The following DIABLO variants were observed in gnomAD, a reference collection of about 807,000 sequenced individuals.
The protein encoded by DIABLO is diablo homolog, mitochondrial.
DIABLO carries 32 observed loss-of-function variants against 31.7 expected under a neutral mutation model. The ratio of observed to expected loss-of-function variants is 1.01; its 90% CI spans 0.76 to 1.35. The LOEUF is 1.35. Among genes scored for constraint, DIABLO ranks in the 40% most tolerant of loss-of-function variants. The pLI, the probability that DIABLO is intolerant of heterozygous loss-of-function variation, is 0.00. For missense variants in DIABLO, 316 were observed against 286.4 expected (o/e 1.10, Z -0.75); for synonymous variants, 132 against 103.2 (o/e 1.28, Z -1.69).
In DIABLO at chr12:122,209,775, C is replaced by T. The variant is rs1388352743; in HGVS notation, c.524-1198G>A. 10 of 703,336 alleles carry T rather than the reference C, an allele frequency of 1.4e-5. 1 individual carries two copies. Among genetic ancestry groups the T allele is most frequent in the Non-Finnish European group, 2.6e-5 (10 of 385,106 alleles). 43.6% of individuals were successfully genotyped at this position (703,336 alleles called of 1,614,324 possible). The stretch of plus-strand genomic sequence containing the variant: ...TCTGTAGAACATTTTGATCTTACTG[C>T]ATTAACAAGAACCTTCAGGACAATG... On this transcript the variant is annotated intron_variant, in intron 5 of 5. Coordinates refer to ENST00000464942, the MANE Select transcript of DIABLO (RefSeq NM_001371333.1).
intron 5 of DIABLO, chr12:122,209,667 C>CA (rs147297982): frequency 0.077 from 36,403 of 474,832 alleles, no homozygotes; most frequent in East Asian, 0.094. Flanking sequence ...GTCTCCCCCC[C>CA]AAAAAAAAAA....
At chr12:122,226,501 G>A (rs1278599425), upstream of DIABLO, 4 of 698,958 alleles carry the variant, frequency 5.7e-6, no homozygotes, top group Admixed American at 4.0e-5. Flanking sequence ...GTGTAGCTGA[G>A]GAGCACGAAG....
chr12:122,218,280 T>C lies in DIABLO; in HGVS notation c.301A>G (p.Thr101Ala), dbSNP rs746807208. 6.8e-6 allele frequency: 11 copies of C among 1,614,000 alleles called. No homozygotes were observed. Among genetic ancestry groups the C allele is most frequent in the Non-Finnish European group, 5.9e-6 (7 of 1,180,010 alleles). Reference sequence around the variant, plus strand: ...AGGAGACATACCTTAGTATATTCAGTAATAGCTTCAATCAACGCATATGTG... The same window carrying C: ...AGGAGACATACCTTAGTATATTCAGCAATAGCTTCAATCAACGCATATGTG... ...QTTYALIEAI[T>A]EYTKAVYTLT... The change falls in exon 3 of 6, where the codon ACT becomes GCT. Residue 101 changes from threonine (T) to alanine (A), a missense_variant. Thr to Ala is a moderately conservative substitution (Grantham distance 58, BLOSUM62 0). Transcript: ENST00000464942.
chr12:122,215,612 T>G (rs115098629), intron 5 of DIABLO, among the ~76,000 whole-genome samples: 1,964 of 151,898 alleles, frequency 0.013, 50 homozygotes, highest in African/African-American at 0.045. Flanking sequence ...TAAAAAAAAT[T>G]TTTTTTTCTG....
chr12:122,209,883 G>T, intron 5 of DIABLO: 1 of 690,786 alleles, frequency 1.4e-6, no homozygotes, highest in Non-Finnish European at 2.6e-6. Flanking sequence ...AATTAAGTAG[G>T]ATTACTTAAC....
At chr12:122,222,618 C>T (rs1002906029) in intron 2 of DIABLO, 1 of 151,682 alleles carries the variant, frequency 6.6e-6, no homozygotes, top group Non-Finnish European at 1.5e-5. Flanking sequence ...CAGTGGTCCC[C>T]AACGTTTGTG....
chr12:122,226,436 C>A (rs1473439888), upstream of DIABLO: 3 of 691,912 alleles, frequency 4.3e-6, no homozygotes, highest in Admixed American at 4.0e-5. Context: ...GCTGTCACTT[C>A]AGCACCAGGA....
At chr12:122,211,545 A>T (rs1338137417) in intron 5 of DIABLO, among the ~76,000 whole-genome samples, 1 of 133,494 alleles carries the variant, frequency 7.5e-6, no homozygotes, top group African/African-American at 2.7e-5. Flanking sequence ...ACCAACTCTT[A>T]AAAAAAAAAA....
At chr12:122,217,964 T>C (rs774999009) in intron 3 of DIABLO, among the ~76,000 whole-genome samples, 5 of 143,700 alleles carry the variant, frequency 3.5e-5, no homozygotes, top group Non-Finnish European at 6.0e-5. Flanking sequence ...GGCTGCCACA[T>C]TTAAGATTTT....
chr12:122,219,997 G>A (rs983119075), intron 2 of DIABLO, among the ~76,000 whole-genome samples: 1 of 150,248 alleles, frequency 6.7e-6, no homozygotes, highest in Non-Finnish European at 1.5e-5. Flanking sequence ...AGGCTGGAGT[G>A]CAGTGGTTCA....
chr12:122,224,425 A>G (rs1025861139), intron 2 of DIABLO, 87 bp downstream of exon 2: 2 of 1,606,414 alleles, frequency 1.2e-6, no homozygotes, highest in African/African-American at 1.3e-5. Flanking sequence ...GGGAAAAACT[A>G]TGGTAGCTTG....
intron 5 of DIABLO, chr12:122,209,679 T>C: frequency 1.5e-6 from 1 of 667,768 alleles, no homozygotes; most frequent in East Asian, 2.8e-5. Flanking sequence ...AAAAAAAAAA[T>C]GAGCTCTCTC....
intron 5 of DIABLO, among the ~76,000 whole-genome samples, chr12:122,213,162 C>T (rs1300248967): frequency 6.6e-6 from 1 of 152,054 alleles, no homozygotes; most frequent in Non-Finnish European, 1.5e-5. Context: ...GATCCACCTG[C>T]TTAGGCATCC....
chr12:122,210,348 A>G (rs1338443757), intron 5 of DIABLO, among the ~76,000 whole-genome samples: 2 of 150,992 alleles, frequency 1.3e-5, no homozygotes, highest in South Asian at 2.1e-4. Context: ...GGGGACATCA[A>G]AATCTTCGAA....
At chr12:122,225,932 G>A (rs1301846670) in intron 1 of DIABLO, 33 bp downstream of exon 1, 1 of 1,572,216 alleles carries the variant, frequency 6.4e-7, no homozygotes, top group Non-Finnish European at 8.6e-7. Flanking sequence ...CCCTCCCTCT[G>A]GTCCTGTCCC....
rs1196593706 is a variant in DIABLO at position 122,207,988 on chromosome 12, A to G, written c.*393T>C. On this transcript the variant is annotated 3_prime_UTR_variant, in exon 6 of 6. Coordinates refer to ENST00000464942, the MANE Select transcript of DIABLO (RefSeq NM_001371333.1). ...CCACAACTGGCATCCCAACAGAGGG[A>G]ACAAGTACTAAATCATTTTTGACGA... is the stretch of plus-strand genomic sequence containing the variant. 1 of 473,780 alleles carries G rather than the reference A, an allele frequency of 2.1e-6. No individual in the cohort carries two copies. The highest frequency in any genetic ancestry group is 4.2e-6 in the Non-Finnish European group (1 of 240,644). The allele number at this position is 473,780 out of a possible 1,614,324, so 29.3% of individuals were successfully genotyped here. A position where few individuals can be genotyped will look rare whatever the true frequency, so the allele number is the denominator to read the frequency against.
rs1383758327 is a variant in DIABLO at position 122,210,500 on chromosome 12, G to C, written c.524-1923C>G. ...CCATTCTCCTGCCTCAGCCTCCTGA[G>C]TAGCTGGGACTACAGGTGCCCACCA... On this transcript the variant is annotated intron_variant, in intron 5 of 5. Coordinates refer to ENST00000464942, the MANE Select transcript of DIABLO (RefSeq NM_001371333.1). Among the ~76,000 whole-genome samples the C allele has an allele frequency of 5.3e-5, 8 of 150,804 alleles. No homozygotes were observed. In the Admixed American group the frequency reaches 5.3e-4, roughly 10 times the overall value.
chr12:122,224,463 T>C lies in DIABLO; in HGVS notation c.183+49A>G, dbSNP rs761520343. The C allele has an allele frequency of 2.5e-6, 4 of 1,613,402 alleles. No individual in the cohort carries two copies. The South Asian group carries it at 4.4e-5, about 18-fold the overall frequency. On this transcript the variant is annotated intron_variant, in intron 2 of 5. Transcript: ENST00000464942. ...TAATGCTTCACCGCCCACTTGAGAC[T>C]TCAAGAGGACACGGTACACTAGATA... is the stretch of plus-strand genomic sequence containing the variant.
In DIABLO at chr12:122,208,433, T is replaced by C. The variant is rs761328867; in HGVS notation, c.668A>G (p.Glu223Gly). The C allele has an allele frequency of 6.2e-7, 1 of 1,613,836 alleles. No individual in the cohort carries two copies. Among genetic ancestry groups the C allele is most frequent in the Non-Finnish European group, 8.5e-7 (1 of 1,179,986 alleles). Residue 223 changes from glutamate (E) to glycine (G), a missense_variant, in exon 6 of 6, where the codon GAA (glutamate) becomes GGA (glycine). Coordinates refer to ENST00000464942, the MANE Select transcript of DIABLO (RefSeq NM_001371333.1). ...IEELRQKTQE[E>G]GEERAESEQE... ...CTCCGACTCAGCCCGCTCCTCCCCTTCCTCCTGTGTTTTCTGACGGAGCTC... is the reference window on the plus strand; with the variant it reads ...CTCCGACTCAGCCCGCTCCTCCCCTCCCTCCTGTGTTTTCTGACGGAGCTC...
Sources: allele counts gnomAD v4.1 joint callset (sites outside exome capture counted in the v4.1 genomes callset), GRCh38; gene constraint gnomAD v4.1.1; transcripts MANE v1.5; gene names NCBI Gene and HGNC (gene_info 2026-07-23, HGNC 2026-07-21).